Variants in CCDC192 observed in about 807,000 individuals in gnomAD.
CCDC192 encodes the protein coiled-coil domain-containing protein 192.
At chr5:127,703,630 T>C (rs762414500) in intron 1 of CCDC192, 123 bp downstream of exon 1, 6 of 386,942 alleles carry the variant, frequency 1.6e-5, no homozygotes, top group Non-Finnish European at 2.3e-5. Context: ...AGACAGACTT[T>C]TTATCCTTTC....
chr5:127,867,664 G>A (rs1236280214), intron 5 of CCDC192, among the ~76,000 whole-genome samples: 2 of 152,196 alleles, frequency 1.3e-5, no homozygotes, highest in African/African-American at 4.8e-5. Context: ...TTCTCAGGGT[G>A]TGATTTGAGA....
chr5:127,723,736 C>T (rs7724972), intron 2 of CCDC192, among the ~76,000 whole-genome samples: 274 of 152,284 alleles, frequency 1.8e-3, no homozygotes, highest in African/African-American at 6.3e-3. Flanking sequence ...GTAAATAGCA[C>T]AAGGATGCAG....
Position 127,719,556 on chromosome 5 carries a change from T to TACACACACAC in CCDC192, c.114+11797_114+11798insCACACACACA, listed in dbSNP as rs1561445089. Among the ~76,000 whole-genome samples the TACACACACAC allele has an allele frequency of 7.0e-3, 123 of 17,676 alleles. 3 individuals are homozygous for TACACACACAC. Among genetic ancestry groups the TACACACACAC allele is most frequent in the African/African-American group, 0.014 (107 of 7,442 alleles). The allele number at this position is 17,676 out of a possible 152,430, so 11.6% of individuals were successfully genotyped here. On this transcript the variant is annotated intron_variant, in intron 2 of 6. Transcript: ENST00000514853. Reference sequence around the variant, plus strand: ...ATACATATATATATATATATATATATATACACACATACATATATATATATA... The same window carrying TACACACACAC: ...ATACATATATATATATATATATATATACACACACACATACACACATACATATATATATATA...
chr5:127,772,390 G>A (rs574004059), intron 3 of CCDC192, among the ~76,000 whole-genome samples: 10 of 151,518 alleles, frequency 6.6e-5, no homozygotes, highest in African/African-American at 2.2e-4. Context: ...ACCTGTGTTG[G>A]GGGGGTGCGG....
chr5:127,865,273 A>C (rs1751561629), intron 5 of CCDC192, among the ~76,000 whole-genome samples: 1 of 152,224 alleles, frequency 6.6e-6, no homozygotes, highest in South Asian at 2.1e-4. Context: ...AAACAAAAAA[A>C]GTAACTAAAA....
intron 5 of CCDC192, among the ~76,000 whole-genome samples, chr5:127,820,764 A>G (rs1308913596): frequency 6.6e-6 from 1 of 152,044 alleles, no homozygotes; most frequent in Non-Finnish European, 1.5e-5. Context: ...GATCTTCTCT[A>G]TGTATTACTT....
intron 5 of CCDC192, among the ~76,000 whole-genome samples, chr5:127,844,375 T>C (rs1033687316): frequency 1.3e-5 from 2 of 152,244 alleles, no homozygotes; most frequent in Non-Finnish European, 2.9e-5. Flanking sequence ...TTGAAAGATA[T>C]TGTGATGGGT....
intron 6 of CCDC192, among the ~76,000 whole-genome samples, chr5:127,912,427 A>AAAAAAAAAAAAAAAG (rs1753399506): frequency 6.7e-6 from 1 of 149,868 alleles, no homozygotes; most frequent in African/African-American, 2.5e-5. Context: ...AGCAAAAAAA[A>AAAAAAAAAAAAAAAG]AAAAAAAAAA....
At chr5:127,850,176 G>C (rs1032088759) in intron 5 of CCDC192, among the ~76,000 whole-genome samples, 2 of 152,124 alleles carry the variant, frequency 1.3e-5, no homozygotes, top group African/African-American at 2.4e-5. Flanking sequence ...TCTCTGGCAG[G>C]TGTAGAGCCA....
chr5:127,772,637 T>A (rs1416809027), intron 3 of CCDC192, among the ~76,000 whole-genome samples: 5 of 152,084 alleles, frequency 3.3e-5, no homozygotes, highest in African/African-American at 1.2e-4. Context: ...TGCATCTTTT[T>A]AAAAATCTGG....
At chr5:127,800,035 T>G (rs1371333250) in intron 5 of CCDC192, among the ~76,000 whole-genome samples, 2 of 152,072 alleles carry the variant, frequency 1.3e-5, no homozygotes, top group Non-Finnish European at 2.9e-5. Flanking sequence ...GAAAATGGAA[T>G]CTTAAAAAGA....
chr5:127,939,173 T>C (rs964461454), intron 6 of CCDC192, among the ~76,000 whole-genome samples: 3 of 135,228 alleles, frequency 2.2e-5, no homozygotes, highest in African/African-American at 8.1e-5. Flanking sequence ...GCTGGAATGC[T>C]GTGGCACAAT....
chr5:127,719,567 A>ATATAT (rs1491340239), intron 2 of CCDC192, among the ~76,000 whole-genome samples: 2 of 12,868 alleles, frequency 1.6e-4, no homozygotes, highest in South Asian at 2.6e-3. Flanking sequence ...ATACACACAT[A>ATATAT]CATATATATA....
Position 127,754,250 on chromosome 5 carries a change from A to ATT in CCDC192, c.115-6_115-5dup, listed in dbSNP as rs752077492. ...TATCCATGTCAAAAAGTAATACTTGATTTTTTTTTTTTTAAAGAAAGCGTC... is the reference window on the plus strand; with the variant it reads ...TATCCATGTCAAAAAGTAATACTTGATTTTTTTTTTTTTTTAAAGAAAGCGTC... On this transcript the variant is annotated splice_polypyrimidine_tract_variant and intron_variant, in intron 2 of 6. Transcript: ENST00000514853. The ATT allele has an allele frequency of 2.6e-3, 861 of 327,088 alleles. 3 individuals carry two copies. The highest frequency in any genetic ancestry group is 0.018 in the African/African-American group (804 of 45,592). 20.3% of individuals were successfully genotyped at this position (327,088 alleles called of 1,614,324 possible). A position where few individuals can be genotyped will look rare whatever the true frequency, so the allele number is the denominator to read the frequency against.
intron 5 of CCDC192, among the ~76,000 whole-genome samples, chr5:127,823,113 G>C (rs1162369444): frequency 1.3e-5 from 2 of 152,208 alleles, no homozygotes; most frequent in African/African-American, 4.8e-5. Context: ...CTCCCCAAAA[G>C]CATCTCTCAT....
At chr5:127,765,767 C>T (rs1049524921) in intron 3 of CCDC192, among the ~76,000 whole-genome samples, 8 of 152,158 alleles carry the variant, frequency 5.3e-5, no homozygotes, top group Non-Finnish European at 8.8e-5. Flanking sequence ...GTAATTGTAA[C>T]ATTTGGTCAC....
At chr5:127,910,529 A>G (rs752348741) in intron 6 of CCDC192, among the ~76,000 whole-genome samples, 1 of 152,218 alleles carries the variant, frequency 6.6e-6, no homozygotes, top group Non-Finnish European at 1.5e-5. Context: ...GTAGTTAGGG[A>G]AATCCATACA....
In CCDC192 at chr5:127,928,586, C is replaced by T. The variant is rs138073176; in HGVS notation, c.536-12596C>T. 8.2e-4 allele frequency among the ~76,000 whole-genome samples: 125 copies of T among 152,258 alleles called. 1 individual carries two copies. The highest frequency in any genetic ancestry group is 3.1e-3 in the East Asian group (16 of 5,176). The stretch of plus-strand genomic sequence containing the variant: ...TATAAAGCAACATATTCAAAGGTTT[C>T]GGGGATATCTTAGGGGCGTATTATT... On this transcript the variant is annotated intron_variant, in intron 6 of 6. Transcript: ENST00000514853.
chr5:127,747,039 C>A (rs920165937), intron 2 of CCDC192, among the ~76,000 whole-genome samples: 3 of 151,148 alleles, frequency 2.0e-5, no homozygotes, highest in African/African-American at 7.3e-5. Flanking sequence ...AGAAGTTAGA[C>A]CTTTAAGGTA....
Sources: gnomAD v4.1 joint callset for allele counts (sites outside exome capture counted in the v4.1 genomes callset) on GRCh38, gnomAD v4.1.1 for gene constraint, MANE v1.5 for transcripts, NCBI Gene and HGNC (gene_info 2026-07-23, HGNC 2026-07-21) for gene names.